The following CAP2 variants were observed in gnomAD, a reference collection of about 807,000 sequenced individuals.
CAP2 encodes cyclase associated actin cytoskeleton regulatory protein 2.
CAP2 carries 24 observed loss-of-function variants against 57.7 expected under a neutral mutation model. That is an observed-to-expected ratio of 0.42 (90% CI 0.30 to 0.58). CAP2 has a LOEUF of 0.58. Ranked by LOEUF, CAP2 falls within the 20% of genes least tolerant of loss-of-function variation. The pLI is 0.22. For missense variants in CAP2, 501 were observed against 590.3 expected, an observed-to-expected ratio of 0.85 and a Z score of 1.57; for synonymous variants, 194 against 207.2, an observed-to-expected ratio of 0.94 and a Z score of 0.55.
At chr6:17,538,938 G>C (rs1762836555) in intron 7 of CAP2, among the ~76,000 whole-genome samples, 1 of 152,176 alleles carries the variant, frequency 6.6e-6, no homozygotes, top group African/African-American at 2.4e-5. Context: ...TTCTAAATTG[G>C]CCAAGGCCCA....
chr6:17,393,928 G>A (rs1352761034), intron 1 of CAP2, among the ~76,000 whole-genome samples, 182 bp downstream of exon 1: 1 of 147,132 alleles, frequency 6.8e-6, no homozygotes, highest in Non-Finnish European at 1.5e-5. Flanking sequence ...GGGGGCCGGG[G>A]CGCGGCGACC....
chr6:17,442,728 T>C (rs1223262374), intron 3 of CAP2, among the ~76,000 whole-genome samples: 1 of 151,098 alleles, frequency 6.6e-6, no homozygotes, highest in East Asian at 2.0e-4. Flanking sequence ...TCACTATTTT[T>C]TTTTTTTGAG....
intron 4 of CAP2, among the ~76,000 whole-genome samples, chr6:17,500,519 C>T (rs1460232827): frequency 6.6e-6 from 1 of 151,074 alleles, no homozygotes; most frequent in Admixed American, 6.6e-5. Flanking sequence ...ATTTGGATAA[C>T]CTTTGCTTGA....
At chr6:17,456,463 T>A (rs752548) in intron 3 of CAP2, among the ~76,000 whole-genome samples, 20,516 of 152,190 alleles carry the variant, frequency 0.13, 4,469 homozygotes, top group African/African-American at 0.46. Context: ...CAATTTCATC[T>A]GTCAGGTTCT....
intron 4 of CAP2, among the ~76,000 whole-genome samples, chr6:17,471,453 T>C (rs986794621): frequency 2.6e-5 from 4 of 152,220 alleles, no homozygotes; most frequent in Admixed American, 6.5e-5. Context: ...GTTAATTATA[T>C]GTGCACAGCA....
intron 3 of CAP2, among the ~76,000 whole-genome samples, chr6:17,436,202 C>T (rs1188052525): frequency 6.6e-6 from 1 of 151,904 alleles, no homozygotes; most frequent in African/African-American, 2.4e-5. Flanking sequence ...TCGGTCACTG[C>T]AACCTCTGCC....
chr6:17,515,074 A>G (rs573018214), intron 7 of CAP2, among the ~76,000 whole-genome samples: 2 of 151,676 alleles, frequency 1.3e-5, no homozygotes, highest in East Asian at 3.9e-4. Flanking sequence ...GGTGCACGCC[A>G]TAATCCCAGC....
chr6:17,394,066 GT>G (rs940988979), intron 1 of CAP2, among the ~76,000 whole-genome samples: 2 of 149,808 alleles, frequency 1.3e-5, no homozygotes, highest in African/African-American at 4.9e-5. Flanking sequence ...GCTGCCCGGG[GT>G]TGGCGGGCGG....
At chr6:17,444,555 C>T (rs757802798) in intron 3 of CAP2, among the ~76,000 whole-genome samples, 9 of 149,484 alleles carry the variant, frequency 6.0e-5, no homozygotes, top group African/African-American at 1.7e-4. Flanking sequence ...GCAGGAGAAT[C>T]GCTTGATTCC....
chr6:17,553,239 A>G (rs536658425), intron 12 of CAP2, among the ~76,000 whole-genome samples: 2 of 152,316 alleles, frequency 1.3e-5, no homozygotes, highest in East Asian at 3.9e-4. Flanking sequence ...AGGCACCTGT[A>G]ACTGTTAAAG....
At chr6:17,533,075 C>A (rs76918365) in intron 7 of CAP2, among the ~76,000 whole-genome samples, 1 of 46,530 alleles carries the variant, frequency 2.1e-5, no homozygotes, top group African/African-American at 1.2e-4. Flanking sequence ...CAACACCCCC[C>A]ACCAAAAAAA....
intron 3 of CAP2, among the ~76,000 whole-genome samples, chr6:17,440,083 C>T (rs1390941589): frequency 2.6e-5 from 4 of 151,520 alleles, no homozygotes; most frequent in South Asian, 2.1e-4. Context: ...TTATTGGAAT[C>T]GGTTAAAATT....
intron 4 of CAP2, among the ~76,000 whole-genome samples, chr6:17,488,853 A>G (rs929881440): frequency 3.9e-5 from 6 of 152,316 alleles, no homozygotes; most frequent in African/African-American, 1.4e-4. Flanking sequence ...GAACATGAAC[A>G]TGGTGCACCT....
At chr6:17,445,021 T>A (rs910040) in intron 3 of CAP2, among the ~76,000 whole-genome samples, 13 of 151,970 alleles carry the variant, frequency 8.6e-5, no homozygotes, top group Non-Finnish European at 1.6e-4. Context: ...CACCAATATA[T>A]TGACTTATAA....
chr6:17,539,722 T>C (rs1163242803), intron 8 of CAP2, among the ~76,000 whole-genome samples: 2 of 152,156 alleles, frequency 1.3e-5, no homozygotes, highest in South Asian at 2.1e-4. Context: ...GCATCCTTGC[T>C]TTAGACCCCA....
At chr6:17,491,507 C>A (rs1398971896) in intron 4 of CAP2, among the ~76,000 whole-genome samples, 1 of 152,178 alleles carries the variant, frequency 6.6e-6, no homozygotes, top group Non-Finnish European at 1.5e-5. Context: ...TATTGTGTGT[C>A]AGACATGATG....
chr6:17,493,314 C>A, intron 4 of CAP2: 1 of 272,704 alleles, frequency 3.7e-6, no homozygotes. Context: ...GCACCTCTCT[C>A]TCACCTCAAT....
chr6:17,429,325 T>C (rs73721532), intron 3 of CAP2, among the ~76,000 whole-genome samples: 2,987 of 152,338 alleles, frequency 0.02, 90 homozygotes, highest in African/African-American at 0.068. Context: ...ATGGTTACTA[T>C]TCATTAATGC....
chr6:17,406,412 T>TTTTC lies in CAP2; in HGVS notation c.-2+12667_-2+12668insTTCT, dbSNP rs1197104013. ...AGCCCAGATTTCTTTTTTTTTTTTT[T>TTTTC]TGAGGCAGTCTCACTCTGTCGCCCA... is the stretch of plus-strand genomic sequence containing the variant. On this transcript the variant is annotated intron_variant, in intron 1 of 12. Transcript: ENST00000229922. Among the ~76,000 whole-genome samples the TTTTC allele has an allele frequency of 5.1e-4, 69 of 135,268 alleles. 7 individuals are homozygous for TTTTC. Among genetic ancestry groups the TTTTC allele is most frequent in the African/African-American group, 2.5e-3 (68 of 27,022 alleles). The allele number at this position is 135,268 out of a possible 152,430, so 88.7% of individuals were successfully genotyped here. A position where few individuals can be genotyped will look rare whatever the true frequency, so the allele number is the denominator to read the frequency against.
Sources: gnomAD v4.1 joint callset for allele counts (sites outside exome capture counted in the v4.1 genomes callset) on GRCh38, gnomAD v4.1.1 for gene constraint, MANE v1.5 for transcripts, NCBI Gene and HGNC (gene_info 2026-07-23, HGNC 2026-07-21) for gene names.